Variants in DLG2 observed in about 807,000 individuals in gnomAD.
DLG2 encodes disks large homolog 2.
A neutral mutation model predicts 132.5 loss-of-function variants in DLG2; 45 were observed. The ratio of observed to expected loss-of-function variants is 0.34; its 90% CI spans 0.27 to 0.44. The LOEUF (loss-of-function observed/expected upper bound fraction) is 0.44, where lower values mean the gene tolerates loss of function less well. Among genes scored for constraint, DLG2 ranks in the 20% least tolerant of loss-of-function variants. The probability of loss-of-function intolerance (pLI) is 1.00; values close to 1 mark genes in which losing one functional copy is unlikely to be tolerated. For missense variants in DLG2, 1,045 were observed against 1,196.9 expected (o/e 0.87, Z 1.87); for synonymous variants, 424 against 419.6 (o/e 1.01, Z -0.13).
chr11:83,899,505 C>G (rs2072794784), intron 15 of DLG2, among the ~76,000 whole-genome samples: 1 of 152,134 alleles, frequency 6.6e-6, no homozygotes, highest in Non-Finnish European at 1.5e-5. Flanking sequence ...TGGGAGGGAC[C>G]TGGTGGGAGA....
intron 7 of DLG2, among the ~76,000 whole-genome samples, chr11:84,361,754 G>A (rs1216299802): frequency 2.0e-5 from 3 of 151,946 alleles, no homozygotes; most frequent in Non-Finnish European, 1.5e-5. Flanking sequence ...CTTACATAGA[G>A]AAATAAAATT....
intron 7 of DLG2, among the ~76,000 whole-genome samples, chr11:84,331,287 A>G (rs1474361465): frequency 1.3e-5 from 2 of 152,004 alleles, no homozygotes; most frequent in Non-Finnish European, 2.9e-5. Context: ...TCCCAATGTT[A>G]TTATTCCCAT....
chr11:83,962,949 G>A lies in DLG2; in HGVS notation c.1276C>T (p.Pro426Ser). The change falls in exon 14 of 28, where the codon CCC becomes TCC. Residue 426 changes from proline (P) to serine (S), a missense_variant. By Grantham distance (74) the Pro-to-Ser change is moderately conservative (BLOSUM62 -1). Transcript: ENST00000376104. ...GGTGAGTACCTTCCTGGAGAGATGGGTGGCAGGGAGGTTTTATATTCTAAA... is the reference window on the plus strand; with the variant it reads ...GGTGAGTACCTTCCTGGAGAGATGGATGGCAGGGAGGTTTTATATTCTAAA... The part of the protein sequence containing the change: ...GTLEYKTSLP[P>S]ISPGRYSPIP... 1 of 1,613,264 alleles carries A rather than the reference G, an allele frequency of 6.2e-7. No homozygotes were observed. Among genetic ancestry groups the A allele is most frequent in the Non-Finnish European group, 8.5e-7 (1 of 1,179,276 alleles).
chr11:85,300,699 A>G (rs1445878027), intron 3 of DLG2, among the ~76,000 whole-genome samples: 1 of 152,198 alleles, frequency 6.6e-6, no homozygotes, highest in Non-Finnish European at 1.5e-5. Context: ...GTCAGTGAAT[A>G]TCAGGCCTAA....
intron 7 of DLG2, among the ~76,000 whole-genome samples, chr11:84,288,368 A>G (rs187119679): frequency 2.6e-5 from 4 of 152,048 alleles, no homozygotes; most frequent in Non-Finnish European, 4.4e-5. Flanking sequence ...TCAGGAAGGG[A>G]CAAGTATAGA....
intron 3 of DLG2, among the ~76,000 whole-genome samples, chr11:85,440,189 T>C (rs1242199010): frequency 6.6e-6 from 1 of 152,208 alleles, no homozygotes; most frequent in Non-Finnish European, 1.5e-5. Flanking sequence ...TTATTAACCA[T>C]TATCATTTTT....
In DLG2 at chr11:83,722,283, T is replaced by C. The variant is rs192856997; in HGVS notation, c.1825+64407A>G. ...CCACTGCCATGCAAAGTAAGAATTT[T>C]CCTGTTTTAAGTGCCAAGCATAAGA... On this transcript the variant is annotated intron_variant, in intron 18 of 27. Coordinates refer to ENST00000376104, the MANE Select transcript of DLG2 (RefSeq NM_001142699.3). 8.5e-5 allele frequency among the ~76,000 whole-genome samples: 13 copies of C among 152,302 alleles called. No homozygotes were observed. In the East Asian group the frequency reaches 2.3e-3, roughly 27 times the overall value.
rs1301907628 is a variant in DLG2 at position 83,790,603 on chromosome 11, A to C, written c.1723-3811T>G. ...GCTTCTGTGCCAGTAAGTCCACTGA[A>C]GTTCCTTTGGATTTGATTATTTTGC... On this transcript the variant is annotated intron_variant, in intron 17 of 27. Coordinates refer to ENST00000376104, the MANE Select transcript of DLG2 (RefSeq NM_001142699.3). 3 of 1,321,376 alleles carry C rather than the reference A, an allele frequency of 2.3e-6. No individual in the cohort carries two copies. The African/African-American group carries it at 4.3e-5, about 19-fold the overall frequency. The allele number at this position is 1,321,376 out of a possible 1,614,324, so 81.9% of individuals were successfully genotyped here.
At chr11:83,783,138 A>C (rs2094905909) in intron 18 of DLG2, among the ~76,000 whole-genome samples, 1 of 152,220 alleles carries the variant, frequency 6.6e-6, no homozygotes, top group Non-Finnish European at 1.5e-5. Context: ...AAAAGTTGGC[A>C]AAAATGAATC....
At chr11:84,578,311 A>G (rs973174893) in intron 6 of DLG2, among the ~76,000 whole-genome samples, 1 of 152,122 alleles carries the variant, frequency 6.6e-6, no homozygotes, top group Non-Finnish European at 1.5e-5. Context: ...CCAGAATGGT[A>G]GATCCACCGA....
chr11:84,551,985 C>T (rs573339486), intron 6 of DLG2, among the ~76,000 whole-genome samples: 1 of 152,230 alleles, frequency 6.6e-6, no homozygotes, highest in South Asian at 2.1e-4. Context: ...AACTAAATTG[C>T]CAGAACATGA....
At chr11:85,391,686 T>C (rs2086810376) in intron 3 of DLG2, among the ~76,000 whole-genome samples, 1 of 151,888 alleles carries the variant, frequency 6.6e-6, no homozygotes, top group Non-Finnish European at 1.5e-5. Context: ...AAAACAAAAA[T>C]CAGATGATCA....
intron 19 of DLG2, among the ~76,000 whole-genome samples, chr11:83,558,719 G>A (rs2096561072): frequency 6.6e-6 from 1 of 152,158 alleles, no homozygotes; most frequent in Admixed American, 6.6e-5. Flanking sequence ...TTCTCCCAGA[G>A]AGGAGGATCA....
intron 6 of DLG2, among the ~76,000 whole-genome samples, chr11:84,761,273 A>G (rs556838594): frequency 1.4e-4 from 21 of 152,344 alleles, no homozygotes; most frequent in Middle Eastern, 3.4e-3. Context: ...ACTCCAGACT[A>G]TTGGTAAACC....
intron 6 of DLG2, among the ~76,000 whole-genome samples, chr11:85,073,050 T>A (rs180703480): frequency 6.6e-6 from 1 of 152,022 alleles, no homozygotes; most frequent in Non-Finnish European, 1.5e-5. Flanking sequence ...TTCCATTAAC[T>A]AAAATATGAA....
intron 7 of DLG2, among the ~76,000 whole-genome samples, chr11:84,344,353 CA>C (rs2098529627): frequency 6.6e-6 from 1 of 152,060 alleles, no homozygotes; most frequent in African/African-American, 2.4e-5. Context: ...TGGAAAGGTT[CA>C]ATAAATTCAT....
At chr11:85,249,618 T>C (rs1341150259) in intron 4 of DLG2, among the ~76,000 whole-genome samples, 1 of 152,018 alleles carries the variant, frequency 6.6e-6, no homozygotes, top group Non-Finnish European at 1.5e-5. Context: ...ATCAGAGGCC[T>C]GAAAAAATGC....
chr11:84,593,864 T>C (rs1039834302), intron 6 of DLG2, among the ~76,000 whole-genome samples: 1 of 152,180 alleles, frequency 6.6e-6, no homozygotes, highest in Non-Finnish European at 1.5e-5. Context: ...ACATGCCCCA[T>C]CTTTGATAGC....
intron 12 of DLG2, among the ~76,000 whole-genome samples, chr11:83,967,903 A>G (rs2090551306): frequency 6.6e-6 from 1 of 152,128 alleles, no homozygotes; most frequent in Non-Finnish European, 1.5e-5. Flanking sequence ...TGCATATGGC[A>G]TTAGAGTCCA....
Sources: gnomAD v4.1 joint callset for allele counts (sites outside exome capture counted in the v4.1 genomes callset) on GRCh38, gnomAD v4.1.1 for gene constraint, MANE v1.5 for transcripts, NCBI Gene and HGNC (gene_info 2026-07-23, HGNC 2026-07-21) for gene names.